Variants in SPOCK3 observed in about 807,000 individuals in gnomAD.
SPOCK3 encodes testican-3.
A neutral mutation model predicts 56.6 loss-of-function variants in SPOCK3; 30 were observed. The observed-to-expected ratio is 0.53, with a 90% confidence interval of 0.40 to 0.72. The LOEUF (loss-of-function observed/expected upper bound fraction) is 0.72, where lower values mean the gene tolerates loss of function less well. Among genes scored for constraint, SPOCK3 ranks in the 30% least tolerant of loss-of-function variants. SPOCK3 has a pLI of 0.00. For synonymous variants in SPOCK3, 196 were observed against 183.3 expected (o/e 1.07, Z -0.56); for missense variants, 527 against 530.0 (o/e 0.99, Z 0.06).
chr4:166,742,493 A>G (rs1408581292), intron 8 of SPOCK3, among the ~76,000 whole-genome samples: 1 of 152,182 alleles, frequency 6.6e-6, no homozygotes, highest in Non-Finnish European at 1.5e-5. Context: ...CAATTAACTG[A>G]TTATGTTTTC....
intron 4 of SPOCK3, among the ~76,000 whole-genome samples, chr4:166,937,732 T>C (rs1160033290): frequency 6.8e-6 from 1 of 146,814 alleles, no homozygotes. Flanking sequence ...TGTGAGATTA[T>C]ATATATTTTT....
chr4:167,218,759 A>C (rs1030275181), intron 2 of SPOCK3, among the ~76,000 whole-genome samples: 1 of 152,176 alleles, frequency 6.6e-6, no homozygotes. Flanking sequence ...TGTAAACGAA[A>C]GACAAAAAAA....
At chr4:167,193,682 A>T (rs929796399) in intron 2 of SPOCK3, among the ~76,000 whole-genome samples, 2 of 145,778 alleles carry the variant, frequency 1.4e-5, no homozygotes, top group African/African-American at 5.3e-5. Context: ...TCAACACTTT[A>T]AATATACTAA....
intron 3 of SPOCK3, among the ~76,000 whole-genome samples, chr4:167,042,703 T>G (rs557492457): frequency 6.6e-6 from 1 of 152,286 alleles, no homozygotes; most frequent in South Asian, 2.1e-4. Flanking sequence ...CTCTTAAGGT[T>G]AAAAAGGCTT....
intron 4 of SPOCK3, among the ~76,000 whole-genome samples, chr4:166,978,225 T>G (rs967807220): frequency 2.0e-5 from 3 of 152,188 alleles, no homozygotes; most frequent in Non-Finnish European, 4.4e-5. Flanking sequence ...ATATTTTATT[T>G]TATTTTTTCT....
At chr4:166,863,371 G>A (rs763327838) in intron 6 of SPOCK3, among the ~76,000 whole-genome samples, 2 of 152,060 alleles carry the variant, frequency 1.3e-5, no homozygotes, top group Non-Finnish European at 2.9e-5. Context: ...TAAAGAAATT[G>A]CATCAACGAA....
chr4:167,221,160 G>C (rs766028485), intron 2 of SPOCK3, among the ~76,000 whole-genome samples: 1 of 151,314 alleles, frequency 6.6e-6, no homozygotes, highest in Non-Finnish European at 1.5e-5. Flanking sequence ...AAGAGTTTGA[G>C]ACCAGCCTAG....
chr4:167,145,481 T>C (rs1356170665), intron 2 of SPOCK3, among the ~76,000 whole-genome samples: 1 of 151,968 alleles, frequency 6.6e-6, no homozygotes, highest in Non-Finnish European at 1.5e-5. Context: ...TGAGTTGTCA[T>C]GAGTAAGGCT....
At chr4:167,060,681 A>C (rs968788256) in intron 3 of SPOCK3, among the ~76,000 whole-genome samples, 1 of 152,152 alleles carries the variant, frequency 6.6e-6, no homozygotes, top group Non-Finnish European at 1.5e-5. Context: ...GTGCATTTTT[A>C]AAGCATAAAC....
intron 5 of SPOCK3, among the ~76,000 whole-genome samples, chr4:166,902,351 T>G (rs1736141123): frequency 1.3e-5 from 2 of 152,052 alleles, no homozygotes; most frequent in Admixed American, 1.3e-4. Flanking sequence ...TTTATCTTAC[T>G]TGGTATACAC....
intron 4 of SPOCK3, among the ~76,000 whole-genome samples, chr4:166,958,148 C>A (rs1196153592): frequency 6.6e-6 from 1 of 152,076 alleles, no homozygotes; most frequent in African/African-American, 2.4e-5. Flanking sequence ...GGTTTAACAC[C>A]ATCCGCCTTG....
chr4:166,806,580 G>A (rs1339925946), intron 6 of SPOCK3, among the ~76,000 whole-genome samples: 1 of 150,260 alleles, frequency 6.7e-6, no homozygotes, highest in Non-Finnish European at 1.5e-5. Flanking sequence ...GTATTTTTAA[G>A]AAATCTTAAA....
At chr4:166,754,468 C>T in intron 8 of SPOCK3, 40 bp downstream of exon 8, 5 of 1,571,410 alleles carry the variant, frequency 3.2e-6, no homozygotes, top group Non-Finnish European at 4.3e-6. Context: ...ATTTGACATG[C>T]AGGTCAACTA....
intron 3 of SPOCK3, among the ~76,000 whole-genome samples, chr4:167,019,442 T>A (rs561754837): frequency 1.3e-5 from 2 of 151,858 alleles, no homozygotes; most frequent in African/African-American, 4.8e-5. Context: ...GTGATATACA[T>A]AGAGTTATAA....
chr4:166,990,816 A>C (rs2150110817), intron 4 of SPOCK3, among the ~76,000 whole-genome samples: 1 of 152,242 alleles, frequency 6.6e-6, no homozygotes, highest in South Asian at 2.1e-4. Flanking sequence ...TCACATTATT[A>C]ATAATGATAA....
At chr4:167,162,643 G>C (rs927246569) in intron 2 of SPOCK3, among the ~76,000 whole-genome samples, 4 of 152,020 alleles carry the variant, frequency 2.6e-5, no homozygotes, top group African/African-American at 9.7e-5. Flanking sequence ...CTACAGAAGA[G>C]GAAAGAGAGT....
At chr4:167,105,411 A>G (rs1760017541) in intron 2 of SPOCK3, among the ~76,000 whole-genome samples, 1 of 150,748 alleles carries the variant, frequency 6.6e-6, no homozygotes, top group Non-Finnish European at 1.5e-5. Context: ...TATAGTAATT[A>G]CAAGCCTCAT....
chr4:166,747,795 T>C (rs1246476929), intron 8 of SPOCK3, among the ~76,000 whole-genome samples: 2 of 151,998 alleles, frequency 1.3e-5, no homozygotes, highest in East Asian at 3.9e-4. Flanking sequence ...AGTCTCAGGA[T>C]ACAAAATCAA....
chr4:166,783,308 G>C (rs947610973), intron 7 of SPOCK3, among the ~76,000 whole-genome samples: 1 of 152,056 alleles, frequency 6.6e-6, no homozygotes, highest in African/African-American at 2.4e-5. Flanking sequence ...GCAGTGAGCT[G>C]AGATCATGCC....
Sources: allele counts gnomAD v4.1 joint callset (sites outside exome capture counted in the v4.1 genomes callset), GRCh38; gene constraint gnomAD v4.1.1; transcripts MANE v1.5; gene names NCBI Gene and HGNC (gene_info 2026-07-23, HGNC 2026-07-21).